Variants in TRIOBP observed in about 807,000 individuals in gnomAD.
The protein encoded by TRIOBP is TRIO and F-actin binding protein.
A neutral mutation model predicts 238.8 loss-of-function variants in TRIOBP; 169 were observed. The observed-to-expected ratio is 0.71, with a 90% CI of 0.62 to 0.80. TRIOBP has a LOEUF of 0.80. TRIOBP is among the 30% of genes least tolerant of loss of function. The pLI is 0.00. For missense variants in TRIOBP, 2,838 were observed against 3,122.6 expected (o/e 0.91, Z 2.17); for synonymous variants, 1,150 against 1,274.4 (o/e 0.90, Z 2.08).
At chr22:37,710,592 A>C (rs778847798) in intron 4 of TRIOBP, 26 bp downstream of exon 4, 1 of 1,601,928 alleles carries the variant, frequency 6.2e-7, no homozygotes, top group Admixed American at 1.7e-5. Context: ...GGGCCCAGGA[A>C]GGGCTTCATG....
intron 19 of TRIOBP, 47 bp downstream of exon 19, chr22:37,768,223 T>C (rs750159011): frequency 1.3e-6 from 2 of 1,514,742 alleles, no homozygotes; most frequent in Non-Finnish European, 9.1e-7. Context: ...GGTTATGGGT[T>C]GAGGAACTTT....
chr22:37,755,706 G>T, intron 15 of TRIOBP, 47 bp downstream of exon 15: 1 of 1,561,564 alleles, frequency 6.4e-7, no homozygotes, highest in Non-Finnish European at 8.8e-7. Flanking sequence ...ACTTACCCTT[G>T]CGTCCCCGAG....
At chr22:37,736,598 C>T (rs868731066) in intron 9 of TRIOBP, among the ~76,000 whole-genome samples, 3 of 152,138 alleles carry the variant, frequency 2.0e-5, no homozygotes, top group Middle Eastern at 3.2e-3. Flanking sequence ...ATCAAAGCAT[C>T]CACTCCAAAG....
intron 11 of TRIOBP, among the ~76,000 whole-genome samples, chr22:37,746,951 C>T (rs1041745371): frequency 6.6e-6 from 1 of 152,184 alleles, no homozygotes; most frequent in Non-Finnish European, 1.5e-5. Context: ...ACCCACAGCC[C>T]GGGAGGCAGT....
intron 17 of TRIOBP, among the ~76,000 whole-genome samples, chr22:37,764,416 G>T (rs1234057278): frequency 6.6e-6 from 1 of 152,172 alleles, no homozygotes; most frequent in Non-Finnish European, 1.5e-5. Context: ...TTTTTCCACA[G>T]CATCCACACA....
At chr22:37,743,000 T>G (rs946145528) in intron 11 of TRIOBP, among the ~76,000 whole-genome samples, 2 of 152,164 alleles carry the variant, frequency 1.3e-5, no homozygotes, top group Non-Finnish European at 2.9e-5. Context: ...CTGGCTGACC[T>G]CAGAGCCCAG....
chr22:37,773,022 A>AC (rs1233291357), intron 23 of TRIOBP, among the ~76,000 whole-genome samples: 1 of 152,026 alleles, frequency 6.6e-6, no homozygotes, highest in East Asian at 1.9e-4. Flanking sequence ...TACTCAGTGC[A>AC]CCCCCCTTCT....
chr22:37,751,515 G>C lies in TRIOBP; in HGVS notation c.5323-257G>C, dbSNP rs1601653475. 1.6e-5 allele frequency: 9 copies of C among 553,876 alleles called. No individual in the cohort carries two copies. The East Asian group carries it at 2.8e-4, about 17-fold the overall frequency. The allele number at this position is 553,876 out of a possible 1,614,324, so 34.3% of individuals were successfully genotyped here. ...CTGGAGAGAGGCCCCTGGGACATCT[G>C]GGTGTGTGTGCCAGCCACCCAGCCC... On this transcript the variant is annotated intron_variant, in intron 11 of 23. Coordinates refer to ENST00000644935, the MANE Select transcript of TRIOBP (RefSeq NM_001039141.3).
intron 11 of TRIOBP, chr22:37,750,533 G>A (rs980717641): frequency 2.4e-6 from 1 of 423,738 alleles, no homozygotes; most frequent in African/African-American, 2.0e-5. Context: ...GCCCTGGGCA[G>A]CCTCCGTCTC....
At chr22:37,765,578 C>G (rs545816167) in intron 17 of TRIOBP, 92 bp from the exon 18 acceptor site, 2 of 1,520,898 alleles carry the variant, frequency 1.3e-6, no homozygotes, top group Non-Finnish European at 1.8e-6. Context: ...AGGTGGTGTA[C>G]CTGCCCCTGA....
chr22:37,698,855 A>G lies in TRIOBP; in HGVS notation c.-61+1159A>G, dbSNP rs190589780. ...AGACCCTGCCCCCACCTCCCCAAAAAAGACATTAGGGGCCGGATGCAGTGG... is the reference window on the plus strand; with the variant it reads ...AGACCCTGCCCCCACCTCCCCAAAAGAGACATTAGGGGCCGGATGCAGTGG... On this transcript the variant is annotated intron_variant, in intron 2 of 23. Transcript: ENST00000644935. 3.5e-3 allele frequency among the ~76,000 whole-genome samples: 530 copies of G among 151,906 alleles called. 3 individuals carry two copies. The highest frequency in any genetic ancestry group is 3.4e-3 in the Non-Finnish European group (234 of 67,928).
chr22:37,740,888 T>C lies in TRIOBP; in HGVS notation c.5185-7T>C. Reference sequence around the variant, plus strand: ...ACCTGGGGCCAACACTGGACCCTGTTTGACAGGCAGACAAGAGGCCAGCAG... The same window carrying C: ...ACCTGGGGCCAACACTGGACCCTGTCTGACAGGCAGACAAGAGGCCAGCAG... On this transcript the variant is annotated splice_region_variant and splice_polypyrimidine_tract_variant and intron_variant, in intron 10 of 23. Transcript: ENST00000644935. 1.3e-6 allele frequency: 2 copies of C among 1,569,578 alleles called. No individual in the cohort carries two copies. Among genetic ancestry groups the C allele is most frequent in the South Asian group, 1.2e-5 (1 of 85,318 alleles).
intron 11 of TRIOBP, among the ~76,000 whole-genome samples, chr22:37,742,730 G>A (rs1358109106): frequency 2.0e-5 from 3 of 152,218 alleles, no homozygotes; most frequent in Non-Finnish European, 2.9e-5. Context: ...TAAGTCCTTG[G>A]TAGAGCGAAG....
intron 6 of TRIOBP, among the ~76,000 whole-genome samples, chr22:37,720,437 C>T (rs1405414085): frequency 6.6e-6 from 1 of 152,164 alleles, no homozygotes; most frequent in African/African-American, 2.4e-5. Flanking sequence ...AGTCCCTCTC[C>T]TCATCTCCTC....
chr22:37,750,754 G>T (rs1400439042), intron 11 of TRIOBP: 2 of 470,942 alleles, frequency 4.2e-6, no homozygotes, highest in South Asian at 3.1e-5. Flanking sequence ...CTATACCTGA[G>T]AAGGGGCTCC....
Position 37,726,430 on chromosome 22 carries a change from C to T in TRIOBP, c.3874C>T (p.Gln1292Ter). Residue 1292 changes from glutamine (Q) to a stop codon, truncating the protein, a stop_gained, in exon 7 of 24, where the codon CAG becomes TAG. Coordinates refer to ENST00000644935, the MANE Select transcript of TRIOBP (RefSeq NM_001039141.3). LOFTEE classifies it high-confidence loss of function. ...CCAGAGACAGCCAGGGCCCCAGGCG[C>T]AGTGCAGCAGCGGGGGCCGCACCCA... ...LAQRQPGPQA[Q>*]CSSGGRTHSP... 6.3e-7 allele frequency: 1 copy of T among 1,584,206 alleles called. No individual in the cohort carries two copies. Among genetic ancestry groups the T allele is most frequent in the Non-Finnish European group, 8.6e-7 (1 of 1,166,876 alleles).
rs554655732 is a variant in TRIOBP at position 37,705,538 on chromosome 22, C to T, written c.114+4059C>T. On this transcript the variant is annotated intron_variant, in intron 3 of 23. Coordinates refer to ENST00000644935, the MANE Select transcript of TRIOBP (RefSeq NM_001039141.3). The stretch of plus-strand genomic sequence containing the variant: ...CACTGGCCTTGTGCGGCTTTGTGGA[C>T]ATGTTGAGGACTTAGGATTCTGAGG... 4.6e-5 allele frequency among the ~76,000 whole-genome samples: 7 copies of T among 152,064 alleles called. No individual in the cohort carries two copies. In the South Asian group the frequency reaches 1.5e-3, roughly 32 times the overall value.
chr22:37,698,673 T>G (rs532430045), intron 2 of TRIOBP, among the ~76,000 whole-genome samples: 36 of 151,768 alleles, frequency 2.4e-4, no homozygotes, highest in East Asian at 5.8e-4. Context: ...TTTTACAAAA[T>G]AAAAAAGAAA....
At chr22:37,727,215 A>T (rs923407395) in intron 7 of TRIOBP, among the ~76,000 whole-genome samples, 1 of 149,562 alleles carries the variant, frequency 6.7e-6, no homozygotes, top group Non-Finnish European at 1.5e-5. Context: ...GGCCAAAATG[A>T]GAGTGAACTC....
Sources: gnomAD v4.1 joint callset for allele counts (sites outside exome capture counted in the v4.1 genomes callset) on GRCh38, gnomAD v4.1.1 for gene constraint, MANE v1.5 for transcripts, NCBI Gene and HGNC (gene_info 2026-07-23, HGNC 2026-07-21) for gene names.